Variants in KIFC2 observed in about 807,000 individuals in gnomAD.
KIFC2 encodes the protein kinesin family member C2.
In KIFC2, 94 loss-of-function variants were observed where a neutral mutation model predicts 91.5. That is an observed-to-expected ratio of 1.03 (90% CI 0.87 to 1.22). The LOEUF (loss-of-function observed/expected upper bound fraction) is 1.22. Ranked by LOEUF, KIFC2 falls within the 50% of genes most tolerant of loss-of-function variation. The probability of loss-of-function intolerance (pLI) is 0.00; values close to 1 mark genes in which losing one functional copy is unlikely to be tolerated. For synonymous variants in KIFC2, 729 were observed against 503.9 expected (o/e 1.45, Z -5.98); for missense variants, 1,357 against 1,103.3 (o/e 1.23, Z -3.26).
intron 12 of KIFC2, among the ~76,000 whole-genome samples, chr8:144,471,565 G>C (rs962427893): frequency 1.3e-5 from 2 of 152,002 alleles, no homozygotes; most frequent in Non-Finnish European, 2.9e-5. Flanking sequence ...CACCCTCCTT[G>C]GCCTCTCAAA....
Position 144,473,416 on chromosome 8 carries a change from G to T in KIFC2, c.*27G>T, listed in dbSNP as rs376745034. The T allele has an allele frequency of 1.3e-6, 2 of 1,565,038 alleles. No individual in the cohort carries two copies. The highest frequency in any genetic ancestry group is 2.3e-5 in the East Asian group (1 of 42,888). ...CCTGGGTCGCGGCCCTGCCCATGGG[G>T]TCTCAGGCCAGGTCTCTGCTGGCAG... On this transcript the variant is annotated 3_prime_UTR_variant, in exon 18 of 18. Coordinates refer to ENST00000645548, the MANE Select transcript of KIFC2 (RefSeq NM_001369769.2).
chr8:144,469,466 A>G, intron 11 of KIFC2, 24 bp from the exon 12 acceptor site: 1 of 1,613,906 alleles, frequency 6.2e-7, no homozygotes, highest in Non-Finnish European at 8.5e-7. Flanking sequence ...GCGAGGCATT[A>G]TGCTGACCTG....
chr8:144,467,451 C>G (rs367676257), intron 4 of KIFC2, 34 bp from the exon 5 acceptor site: 7 of 1,540,480 alleles, frequency 4.5e-6, no homozygotes, highest in Non-Finnish European at 6.1e-6. Context: ...GACTAGAGAC[C>G]TCTTCAGTGC....
Position 144,473,220 on chromosome 8 carries a change from G to A in KIFC2, c.2207G>A (p.Arg736Gln), listed in dbSNP as rs774112112. The A allele has an allele frequency of 3.1e-6, 5 of 1,593,228 alleles. No homozygotes were observed. Among genetic ancestry groups the A allele is most frequent in the South Asian group, 1.1e-5 (1 of 87,968 alleles). ...RVGQVELGPA[R>Q]RRRVPRSSGT... ...GGTCAAGTGGAGCTGGGGCCAGCCC[G>A]GCGCCGCAGGGTCCCGCGCTCCTCC... Residue 736 changes from arginine to glutamine, a missense_variant, in exon 18 of 18, where the codon CGG (arginine) becomes CAG (glutamine). Transcript: ENST00000645548.
chr8:144,466,638 C>T lies in KIFC2; in HGVS notation c.99+120C>T, dbSNP rs568125068. 108 of 953,716 alleles carry T rather than the reference C, an allele frequency of 1.1e-4. 1 individual carries two copies. In the South Asian group the frequency reaches 2.6e-3, roughly 23 times the overall value. The allele number at this position is 953,716 out of a possible 1,614,324, so 59.1% of individuals were successfully genotyped here. Reference sequence around the variant, plus strand: ...GCGACGGGGCCGTGCCGAGGACCCTCGGCTCGGCCCCGATGCTGGAAGCGT... The same window carrying T: ...GCGACGGGGCCGTGCCGAGGACCCTTGGCTCGGCCCCGATGCTGGAAGCGT... On this transcript the variant is annotated intron_variant, in intron 1 of 17. Transcript: ENST00000645548.
Position 144,472,703 on chromosome 8 carries a change from G to T in KIFC2, c.1858G>T (p.Ala620Ser), listed in dbSNP as rs766798840. ...GTCTCCACCGCGCGCTCCAGGCACC[G>T]CAGGTACCACGGCCGGTGCCTGAGC... Reference protein sequence around the residue: ...AASPPRAPGTAGTLHLVDLAG... With the variant: ...AASPPRAPGTSGTLHLVDLAG... Residue 620 changes from alanine to serine, a missense_variant, in exon 16 of 18, where the codon GCA becomes TCA. Ala to Ser is a moderately conservative substitution (Grantham distance 99). Coordinates refer to ENST00000645548, the MANE Select transcript of KIFC2 (RefSeq NM_001369769.2). The T allele has an allele frequency of 6.3e-7, 1 of 1,594,066 alleles. No individual in the cohort carries two copies. The highest frequency in any genetic ancestry group is 8.5e-7 in the Non-Finnish European group (1 of 1,177,632).
chr8:144,473,103 GC>G (rs1401077352), intron 17 of KIFC2, 28 bp from the exon 18 acceptor site: 1 of 1,541,338 alleles, frequency 6.5e-7, no homozygotes, highest in East Asian at 2.5e-5. Flanking sequence ...GCCCACCCGG[GC>G]CCGCCCACCC....
rs898322549 is a variant in KIFC2 at position 144,468,262 on chromosome 8, C to T, written c.811-67C>T. 2.5e-5 allele frequency: 35 copies of T among 1,422,674 alleles called. No individual in the cohort carries two copies. In the African/African-American group the frequency reaches 2.9e-4, roughly 12 times the overall value. The allele number at this position is 1,422,674 out of a possible 1,614,324, so 88.1% of individuals were successfully genotyped here. A position where few individuals can be genotyped will look rare whatever the true frequency, so the allele number is the denominator to read the frequency against. ...TCTGCCCACCTCTTGACTTGACTTT[C>T]CCATCTGTGAAATGGTACCACAGAC... On this transcript the variant is annotated intron_variant, in intron 7 of 17. Transcript: ENST00000645548.
chr8:144,471,163 C>T (rs1824908554), intron 12 of KIFC2, among the ~76,000 whole-genome samples: 1 of 152,008 alleles, frequency 6.6e-6, no homozygotes, highest in African/African-American at 2.4e-5. Context: ...AGGGGTTTCA[C>T]CGCGTTTGCC....
rs761767975 is a variant in KIFC2, at chr8:144,467,945, C to T, written c.768C>T (p.Leu256=). The part of the protein sequence containing the change: ...LKQSLSLMRD[L]LLHWGPGPPI... Reference sequence around the variant, plus strand: ...AGAGCCTGAGTCTCATGCGGGACCTCCTGCTGCACTGGGGCCCCGGGCCCC... The same window carrying T: ...AGAGCCTGAGTCTCATGCGGGACCTTCTGCTGCACTGGGGCCCCGGGCCCC... Residue 256 remains leucine (L), a synonymous_variant, in exon 7 of 18, where the codon CTC becomes CTT. Transcript: ENST00000645548. 2.5e-6 allele frequency: 4 copies of T among 1,601,930 alleles called. No individual in the cohort carries two copies. Among genetic ancestry groups the T allele is most frequent in the African/African-American group, 1.3e-5 (1 of 74,244 alleles).
intron 10 of KIFC2, among the ~76,000 whole-genome samples, 186 bp downstream of exon 10, chr8:144,469,020 C>G (rs554851561): frequency 2.0e-4 from 31 of 152,180 alleles, no homozygotes; most frequent in Non-Finnish European, 4.6e-4. Flanking sequence ...ACTTGGTTGA[C>G]AGTAAACTCT....
chr8:144,469,168 G>A (rs1824821711), intron 10 of KIFC2, 103 bp from the exon 11 acceptor site: 2 of 937,494 alleles, frequency 2.1e-6, no homozygotes, highest in Non-Finnish European at 3.3e-6. Context: ...GCACAGCTGA[G>A]CGGGCCTGTG....
chr8:144,468,062 G>C, intron 7 of KIFC2, 75 bp downstream of exon 7: 1 of 1,460,412 alleles, frequency 6.8e-7, no homozygotes, highest in Non-Finnish European at 9.0e-7. Flanking sequence ...CACAGGGCCC[G>C]AGCCTCCTCA....
rs1248801174 is a variant in KIFC2 at position 144,468,565 on chromosome 8, C to A, written c.918C>A (p.Gly306=). The A allele has an allele frequency of 3.7e-6, 6 of 1,601,054 alleles. No individual in the cohort carries two copies. The highest frequency in any genetic ancestry group is 5.1e-6 in the Non-Finnish European group (6 of 1,174,268). The change falls in exon 9 of 18, where the codon GGC becomes GGA. Residue 306 remains glycine (G), a synonymous_variant. Transcript: ENST00000645548. Reference sequence around the variant, plus strand: ...GGGTGCAGGAGGTGCAGCTGCAGGGCCTTCAAGGGGCCCTCCAGCAGCTCC... The same window carrying A: ...GGGTGCAGGAGGTGCAGCTGCAGGGACTTCAAGGGGCCCTCCAGCAGCTCC... ...QLGVQEVQLQ[G]LQGALQQLQQ... is the part of the protein sequence containing the mutation.
Position 144,466,443 on chromosome 8 carries a change from C to G in KIFC2, c.24C>G (p.Leu8=), listed in dbSNP as rs142310829. The change falls in exon 1 of 18, where the codon CTC becomes CTG. Residue 8 remains leucine (L), a synonymous_variant. Transcript: ENST00000645548. The part of the protein sequence containing the change: MYAFYSL[L]IYIFYSLFRR... ...CCATGTACGCCTTTTACTCGTTGCT[C>G]ATCTACATCTTCTACAGCCTCTTCC... 4.4e-6 allele frequency: 6 copies of G among 1,363,410 alleles called. No homozygotes were observed. The Admixed American group carries it at 7.8e-5, about 18-fold the overall frequency. 84.5% of individuals were successfully genotyped at this position (1,363,410 alleles called of 1,614,324 possible). A position where few individuals can be genotyped will look rare whatever the true frequency, so the allele number is the denominator to read the frequency against.
In KIFC2 at chr8:144,473,788, G is replaced by T. The variant is rs1586726683; in HGVS notation, c.*399G>T. The T allele has an allele frequency of 1.6e-5, 6 of 379,458 alleles. No individual in the cohort carries two copies. The East Asian group carries it at 2.9e-4, about 18-fold the overall frequency. The allele number at this position is 379,458 out of a possible 1,614,324, so 23.5% of individuals were successfully genotyped here. ...CCCCCCACCACCAGGACCATGTAGG[G>T]TGCAGTCTTTACTCCCTAACCCGTT... On this transcript the variant is annotated 3_prime_UTR_variant, in exon 18 of 18. Coordinates refer to ENST00000645548, the MANE Select transcript of KIFC2 (RefSeq NM_001369769.2).
At position 144,467,325 on chromosome 8, in the gene KIFC2, GC is replaced by G. The variant is rs1431054601; in HGVS notation, c.459del (p.Ser154LeufsTer56). Reference sequence around the variant, plus strand: ...GGACTCAGCCAGCCCCTCGGGTCCGGCCCCCCTCTCCAGATGGTGAGTAAAG... The same window carrying G: ...GGACTCAGCCAGCCCCTCGGGTCCGGCCCCCTCTCCAGATGGTGAGTAAAG... ...QGTQPAPRVR[P>X]PSPDGSTSQE... is the part of the protein sequence containing the mutation. On this transcript the variant is annotated frameshift_variant, in exon 4 of 18. Transcript: ENST00000645548. LOFTEE classifies it high-confidence loss of function. 1 of 1,608,842 alleles carries G rather than the reference GC, an allele frequency of 6.2e-7. No individual in the cohort carries two copies. The highest frequency in any genetic ancestry group is 8.5e-7 in the Non-Finnish European group (1 of 1,177,896).
rs749393617 is a variant in KIFC2 at position 144,469,420 on chromosome 8, C to T, written c.1222+41C>T. 3.7e-6 allele frequency: 6 copies of T among 1,612,188 alleles called. No homozygotes were observed. In the East Asian group the frequency reaches 1.3e-4, roughly 36 times the overall value. ...GAGCCTAGCGGGGCAGGGAGGGCGG[C>T]TGGAAGAAGTGCAGCTTCTCTGTGC... is the stretch of plus-strand genomic sequence containing the variant. On this transcript the variant is annotated intron_variant, in intron 11 of 17. Coordinates refer to ENST00000645548, the MANE Select transcript of KIFC2 (RefSeq NM_001369769.2).
rs753212230 is a variant in KIFC2, at chr8:144,467,128, G to A, written c.330+18G>A. 6 of 1,609,278 alleles carry A rather than the reference G, an allele frequency of 3.7e-6. No homozygotes were observed. The highest frequency in any genetic ancestry group is 5.1e-6 in the Non-Finnish European group (6 of 1,178,108). On this transcript the variant is annotated intron_variant, in intron 3 of 17. Coordinates refer to ENST00000645548, the MANE Select transcript of KIFC2 (RefSeq NM_001369769.2). The stretch of plus-strand genomic sequence containing the variant: ...TGGGCCAGGTGAGCGCGGCGGAGGG[G>A]GCTGCTGGCAGGTACCACCTGCCCC...
Sources: allele counts gnomAD v4.1 joint callset (sites outside exome capture counted in the v4.1 genomes callset), GRCh38; gene constraint gnomAD v4.1.1; transcripts MANE v1.5; gene names NCBI Gene and HGNC (gene_info 2026-07-23, HGNC 2026-07-21).